Variants in BTC observed in about 807,000 individuals in gnomAD.
BTC encodes the protein betacellulin, also known as probetacellulin.
In BTC, 13 loss-of-function variants were observed where a neutral mutation model predicts 18.1. The observed-to-expected ratio is 0.72, with a 90% confidence interval of 0.47 to 1.14. The LOEUF (loss-of-function observed/expected upper bound fraction) is 1.14. Ranked by LOEUF, BTC falls within the 50% of genes most tolerant of loss-of-function variation. The pLI is 0.00. For missense variants in BTC, 247 were observed against 224.2 expected (o/e 1.10, Z -0.65); for synonymous variants, 83 against 79.4 (o/e 1.05, Z -0.24).
chr4:74,790,451 A>T (rs1725593261), intron 1 of BTC, among the ~76,000 whole-genome samples: 1 of 152,212 alleles, frequency 6.6e-6, no homozygotes, highest in Admixed American at 6.5e-5. Context: ...CAGCACCAGG[A>T]GGCCATGCCC....
chr4:74,745,769 T>C lies in BTC; in HGVS notation c.*908A>G, dbSNP rs1022842177. The C allele has an allele frequency of 6.6e-6, 1 of 152,220 alleles. No individual in the cohort carries two copies. Among genetic ancestry groups the C allele is most frequent in the Admixed American group, 6.5e-5 (1 of 15,278 alleles). The allele number at this position is 152,220 out of a possible 1,614,324, so 9.4% of individuals were successfully genotyped here. A position where few individuals can be genotyped will look rare whatever the true frequency, so the allele number is the denominator to read the frequency against. ...CCTCTTTCAGTAATATTATTTATAT[T>C]TTATTGAGCATAAACACTTACCCAG... On this transcript the variant is annotated 3_prime_UTR_variant, in exon 6 of 6. Coordinates refer to ENST00000395743, the MANE Select transcript of BTC (RefSeq NM_001729.4).
chr4:74,783,675 G>T (rs112224126), intron 1 of BTC, among the ~76,000 whole-genome samples: 24,555 of 149,294 alleles, frequency 0.16, 3,215 homozygotes, highest in African/African-American at 0.37. Context: ...AGTTTAATGG[G>T]GATAGCATTG....
Position 74,794,417 on chromosome 4 carries a change from G to A in BTC, c.-92C>T, listed in dbSNP as rs1471303425. ...GCCTCGGGCGCCTGAGAGGGTGCCT[G>A]GAAACTAATCCCGGAGGCAGAAGGA... On this transcript the variant is annotated 5_prime_UTR_variant, in exon 1 of 6. Coordinates refer to ENST00000395743, the MANE Select transcript of BTC (RefSeq NM_001729.4). 9 of 1,321,544 alleles carry A rather than the reference G, an allele frequency of 6.8e-6. No individual in the cohort carries two copies. The East Asian group carries it at 2.3e-4, about 33-fold the overall frequency. 81.9% of individuals were successfully genotyped at this position (1,321,544 alleles called of 1,614,324 possible).
chr4:74,782,981 T>C (rs972862554), intron 1 of BTC, among the ~76,000 whole-genome samples: 3 of 152,208 alleles, frequency 2.0e-5, no homozygotes, highest in Non-Finnish European at 4.4e-5. Context: ...TTAAGTTCCT[T>C]GTAGATTCTG....
intron 1 of BTC, among the ~76,000 whole-genome samples, chr4:74,787,485 T>A (rs914180422): frequency 4.6e-5 from 7 of 152,208 alleles, no homozygotes; most frequent in Admixed American, 1.3e-4. Context: ...AGATTTTTTT[T>A]AAGATATAAA....
intron 3 of BTC, 37 bp downstream of exon 3, chr4:74,755,822 C>T: frequency 1.3e-6 from 2 of 1,587,550 alleles, no homozygotes; most frequent in Non-Finnish European, 1.7e-6. Context: ...CACCATTCTG[C>T]ACCCTTTTGC....
At chr4:74,761,343 A>G (rs1553957305) in intron 2 of BTC, among the ~76,000 whole-genome samples, 1 of 152,042 alleles carries the variant, frequency 6.6e-6, no homozygotes, top group East Asian at 1.9e-4. Context: ...AACCTCTAAA[A>G]TTTTGCAAAT....
chr4:74,794,290 G>A lies in BTC; in HGVS notation c.36C>T (p.Ser12=), dbSNP rs1725712633. 6.5e-7 allele frequency: 1 copy of A among 1,549,418 alleles called. No individual in the cohort carries two copies. The highest frequency in any genetic ancestry group is 2.4e-5 in the East Asian group (1 of 40,848). ...GGGCAAGGGCCAGGAGCAGTGGCAG[G>A]GAGCTGGCGCCGCTGCACCGGGCGG... The part of the protein sequence containing the change: ...DRAARCSGAS[S]LPLLLALALG... The change falls in exon 1 of 6, where the codon TCC becomes TCT. Residue 12 remains serine, a synonymous_variant. Coordinates refer to ENST00000395743, the MANE Select transcript of BTC (RefSeq NM_001729.4).
chr4:74,774,034 A>G (rs1369632738), intron 1 of BTC, among the ~76,000 whole-genome samples: 2 of 152,272 alleles, frequency 1.3e-5, no homozygotes, highest in Non-Finnish European at 2.9e-5. Context: ...GAGATTTGCC[A>G]TGAGTTCTTA....
At chr4:74,766,078 A>G (rs1488778529) in intron 2 of BTC, among the ~76,000 whole-genome samples, 1 of 152,136 alleles carries the variant, frequency 6.6e-6, no homozygotes, top group Non-Finnish European at 1.5e-5. Flanking sequence ...TACAGTAAAA[A>G]TATGATATAA....
intron 1 of BTC, among the ~76,000 whole-genome samples, chr4:74,790,004 G>T (rs1319388599): frequency 6.9e-6 from 1 of 144,822 alleles, no homozygotes; most frequent in African/African-American, 2.8e-5. Context: ...AAGTAGATAT[G>T]CATTTTACTT....
chr4:74,763,213 T>C (rs1249360350), intron 2 of BTC, among the ~76,000 whole-genome samples: 1 of 152,182 alleles, frequency 6.6e-6, no homozygotes, highest in East Asian at 1.9e-4. Context: ...TTTGACATTA[T>C]ATTATTATTG....
At chr4:74,783,879 T>C (rs767636763) in intron 1 of BTC, among the ~76,000 whole-genome samples, 18 of 152,058 alleles carry the variant, frequency 1.2e-4, no homozygotes, top group Admixed American at 3.3e-4. Context: ...TGTGTAGCAA[T>C]TGTGAATGGG....
intron 2 of BTC, among the ~76,000 whole-genome samples, chr4:74,764,753 C>T (rs1046359703): frequency 2.6e-5 from 4 of 152,148 alleles, no homozygotes; most frequent in African/African-American, 9.7e-5. Context: ...TGTATGTTCT[C>T]ACTTATAAGT....
chr4:74,784,947 G>A (rs1725440855), intron 1 of BTC, among the ~76,000 whole-genome samples: 1 of 152,194 alleles, frequency 6.6e-6, no homozygotes, highest in Non-Finnish European at 1.5e-5. Context: ...CATAGAATGA[G>A]TTAGGAAGTA....
chr4:74,782,612 G>A (rs7672884), intron 1 of BTC, among the ~76,000 whole-genome samples: 27,287 of 152,078 alleles, frequency 0.18, 4,072 homozygotes, highest in African/African-American at 0.41. Flanking sequence ...TTTGGTATAT[G>A]CCCAGTAATG....
chr4:74,772,128 T>C (rs955518503), intron 1 of BTC, among the ~76,000 whole-genome samples: 11 of 152,326 alleles, frequency 7.2e-5, no homozygotes, highest in African/African-American at 2.4e-4. Context: ...CCTATCCATA[T>C]AGTCAAAAGG....
intron 2 of BTC, among the ~76,000 whole-genome samples, chr4:74,762,569 A>G (rs1553957428): frequency 6.6e-6 from 1 of 152,142 alleles, no homozygotes; most frequent in Non-Finnish European, 1.5e-5. Flanking sequence ...AAATCACCAA[A>G]TAAAGGAAGG....
intron 4 of BTC, among the ~76,000 whole-genome samples, chr4:74,748,656 T>C (rs782332590): frequency 5.3e-5 from 8 of 152,198 alleles, no homozygotes; most frequent in Non-Finnish European, 1.0e-4. Flanking sequence ...GTCACTTATA[T>C]TGATGGAGTT....
Sources: allele counts gnomAD v4.1 joint callset (sites outside exome capture counted in the v4.1 genomes callset), GRCh38; gene constraint gnomAD v4.1.1; transcripts MANE v1.5; gene names NCBI Gene and HGNC (gene_info 2026-07-23, HGNC 2026-07-21).